The following ZMYM1 variants were observed in gnomAD, a reference collection of about 807,000 sequenced individuals.
ZMYM1 encodes the protein zinc finger MYM-type containing 1, also known as zinc finger MYM-type protein 1.
Under a neutral mutation model 60.0 loss-of-function variants are expected in ZMYM1, and 39 were observed. The ratio of observed to expected loss-of-function variants is 0.65; its 90% CI spans 0.50 to 0.85. The LOEUF is 0.85. ZMYM1 is among the 40% of genes least tolerant of loss of function. ZMYM1 has a pLI of 0.00. For synonymous variants in ZMYM1, 413 were observed against 454.0 expected, an observed-to-expected ratio of 0.91 and a Z score of 1.15; for missense variants, 1,171 against 1,309.5, an observed-to-expected ratio of 0.89 and a Z score of 1.63.
intron 1 of ZMYM1, among the ~76,000 whole-genome samples, chr1:35,087,799 A>C (rs1209956377): frequency 1.3e-5 from 2 of 151,838 alleles, no homozygotes; most frequent in Non-Finnish European, 2.9e-5. Context: ...GCAGTGGCTC[A>C]TGCCTGTAAT....
intron 3 of ZMYM1, 119 bp from the exon 4 acceptor site, chr1:35,097,198 C>A: frequency 8.5e-7 from 1 of 1,178,444 alleles, no homozygotes; most frequent in Non-Finnish European, 1.2e-6. Flanking sequence ...GCCTAGAGTG[C>A]AAAAGAGGGC....
At chr1:35,067,541 AGGTGATG>A (rs1641992400) in intron 1 of ZMYM1, among the ~76,000 whole-genome samples, 1 of 152,074 alleles carries the variant, frequency 6.6e-6, no homozygotes, top group Non-Finnish European at 1.5e-5. Flanking sequence ...TATACTGCTC[AGGTGATG>A]GGTTCACCAA....
rs368911460 is a variant in ZMYM1 at position 35,097,324 on chromosome 1, G to C, written c.177G>C (p.Gln59His). 6.3e-7 allele frequency: 1 copy of C among 1,598,274 alleles called. No individual in the cohort carries two copies. Among genetic ancestry groups the C allele is most frequent in the African/African-American group, 1.3e-5 (1 of 74,250 alleles). Residue 59 changes from glutamine (Q) to histidine (H), a missense_variant, in exon 4 of 10, where the codon CAG becomes CAC. Transcript: ENST00000359858. ...INAVFSESAS[Q>H]LTAGIQLSLA... ...CCTCTTGTGTTTTTATAGCTTCACA[G>C]TTGACTGCAGGCATTCAGCTTTCTC...
Position 35,110,537 on chromosome 1 carries a change from AT to A in ZMYM1, c.961+92del, listed in dbSNP as rs1276781951. Reference sequence around the variant, plus strand: ...ATTTATAACCTTGATTCATTTTCAAATTAAACCGACTTTTAAAAGTCAAAAC... The same window carrying A: ...ATTTATAACCTTGATTCATTTTCAAATAAACCGACTTTTAAAAGTCAAAAC... On this transcript the variant is annotated intron_variant, in intron 7 of 9. Transcript: ENST00000359858. 2.7e-6 allele frequency: 3 copies of A among 1,117,290 alleles called. No homozygotes were observed. The African/African-American group carries it at 4.9e-5, about 18-fold the overall frequency. 69.2% of individuals were successfully genotyped at this position (1,117,290 alleles called of 1,614,324 possible).
chr1:35,113,495 G>C lies in ZMYM1; in HGVS notation c.1665G>C (p.Lys555Asn), dbSNP rs1181048275. The change falls in exon 10 of 10, where the codon AAG becomes AAC. Residue 555 changes from lysine (K) to asparagine (N), a missense_variant. By Grantham distance (94) the Lys-to-Asn change is moderately conservative. Coordinates refer to ENST00000359858, the MANE Select transcript of ZMYM1 (RefSeq NM_024772.5). ...TTGAGGGAAATAAAAAGTACCTAAA[G>C]CTTATAATTGAAAATATTTTATTTC... ...KQIEGNKKYL[K>N]LIIENILFLG... 2 of 1,610,306 alleles carry C rather than the reference G, an allele frequency of 1.2e-6. No homozygotes were observed. The highest frequency in any genetic ancestry group is 4.5e-5 in the East Asian group (2 of 44,836).
upstream of ZMYM1, among the ~76,000 whole-genome samples, chr1:35,076,818 G>A (rs546527982): frequency 6.6e-6 from 1 of 151,434 alleles, no homozygotes; most frequent in Admixed American, 6.6e-5. Flanking sequence ...GGTAGTCCCA[G>A]CTACTTGAGA....
chr1:35,105,951 G>A (rs1457289318), intron 6 of ZMYM1, among the ~76,000 whole-genome samples: 3 of 152,116 alleles, frequency 2.0e-5, no homozygotes, highest in African/African-American at 7.2e-5. Flanking sequence ...ACAATGCAAA[G>A]ATGAATCAAG....
chr1:35,071,379 CTGGAATGGAA>C (rs2148478613), intron 1 of ZMYM1, among the ~76,000 whole-genome samples: 1 of 152,100 alleles, frequency 6.6e-6, no homozygotes, highest in Admixed American at 6.6e-5. Context: ...ATCACCAAGG[CTGGAATGGAA>C]TGGCGCAATC....
intron 1 of ZMYM1, among the ~76,000 whole-genome samples, chr1:35,064,938 G>A (rs578175821): frequency 1.3e-5 from 2 of 152,188 alleles, no homozygotes; most frequent in South Asian, 4.2e-4. Context: ...GCCTCCCAAA[G>A]TGCTGGGCTT....
At chr1:35,105,170 T>C (rs1389178180) in intron 6 of ZMYM1, among the ~76,000 whole-genome samples, 2 of 145,788 alleles carry the variant, frequency 1.4e-5, no homozygotes, top group Admixed American at 6.9e-5. Context: ...AGTCTTCCTC[T>C]GTCACCCAGG....
chr1:35,105,197 C>A (rs1420999324), intron 6 of ZMYM1, among the ~76,000 whole-genome samples: 1 of 141,188 alleles, frequency 7.1e-6, no homozygotes, highest in African/African-American at 2.7e-5. Flanking sequence ...TGCGGTGGCG[C>A]GATCTCGGCT....
chr1:35,072,197 T>C (rs1442190249), intron 1 of ZMYM1, among the ~76,000 whole-genome samples: 2 of 152,206 alleles, frequency 1.3e-5, no homozygotes, highest in Admixed American at 6.6e-5. Flanking sequence ...GTTTATGTTT[T>C]GGAGTTTTTT....
At chr1:35,091,369 G>A (rs1642992771) in intron 1 of ZMYM1, among the ~76,000 whole-genome samples, 1 of 151,972 alleles carries the variant, frequency 6.6e-6, no homozygotes, top group South Asian at 2.1e-4. Context: ...CTGCCACCAC[G>A]CCTGGCTAAT....
intron 3 of ZMYM1, 32 bp downstream of exon 3, chr1:35,095,923 T>C (rs1291153148): frequency 6.9e-7 from 1 of 1,456,588 alleles, no homozygotes; most frequent in Non-Finnish European, 9.6e-7. Flanking sequence ...GTTATGTTTA[T>C]TCAGACCAAT....
At chr1:35,068,647 AAAAT>A (rs1642017249) in intron 1 of ZMYM1, among the ~76,000 whole-genome samples, 1 of 149,296 alleles carries the variant, frequency 6.7e-6, no homozygotes, top group African/African-American at 2.4e-5. Context: ...CGCAAAAAAA[AAAAT>A]ATATATATAT....
chr1:35,079,233 C>A (rs1226747152), upstream of ZMYM1: 1 of 152,230 alleles, frequency 6.6e-6, no homozygotes, highest in East Asian at 1.9e-4. Flanking sequence ...AGATCCTATG[C>A]GGGCCGTAAG....
intron 9 of ZMYM1, among the ~76,000 whole-genome samples, chr1:35,112,658 G>A (rs1002936613): frequency 6.8e-6 from 1 of 147,708 alleles, no homozygotes; most frequent in Non-Finnish European, 1.5e-5. Flanking sequence ...TGGGGTGTGT[G>A]TGTATGTTTG....
intron 1 of ZMYM1, among the ~76,000 whole-genome samples, chr1:35,064,770 T>C (rs1641940987): frequency 1.4e-5 from 2 of 142,190 alleles, no homozygotes; most frequent in South Asian, 2.3e-4. Context: ...CACTGCAAGC[T>C]CCACCTCCCG....
intron 4 of ZMYM1, among the ~76,000 whole-genome samples, chr1:35,098,189 CAGTT>C (rs1643441872): frequency 6.6e-6 from 1 of 152,032 alleles, no homozygotes; most frequent in Admixed American, 6.6e-5. Context: ...AATCCTATGA[CAGTT>C]AGTTTGGATT....
Sources: allele counts gnomAD v4.1 joint callset (sites outside exome capture counted in the v4.1 genomes callset), GRCh38; gene constraint gnomAD v4.1.1; transcripts MANE v1.5; gene names NCBI Gene and HGNC (gene_info 2026-07-23, HGNC 2026-07-21).